Variants in CCSER1 observed in about 807,000 individuals in gnomAD.
CCSER1 encodes the protein serine-rich coiled-coil domain-containing protein 1.
In CCSER1, 41 loss-of-function variants were observed where a neutral mutation model predicts 82.0. The ratio of observed to expected loss-of-function variants is 0.50; its 90% CI spans 0.39 to 0.65. The LOEUF (loss-of-function observed/expected upper bound fraction) is 0.65, where lower values mean the gene tolerates loss of function less well. Ranked by LOEUF, CCSER1 falls within the 30% of genes least tolerant of loss-of-function variation. The probability of loss-of-function intolerance (pLI) is 0.00; values close to 1 mark genes in which losing one functional copy is unlikely to be tolerated. For missense variants in CCSER1, 1,119 were observed against 1,064.2 expected (o/e 1.05, Z -0.72); for synonymous variants, 414 against 383.9 (o/e 1.08, Z -0.92).
chr4:90,901,996 G>C (rs1309892461), intron 8 of CCSER1, among the ~76,000 whole-genome samples: 1 of 151,318 alleles, frequency 6.6e-6, no homozygotes, highest in Admixed American at 6.6e-5. Context: ...AAGTTCTTTT[G>C]GCTTTATTTT....
At chr4:90,481,574 C>A (rs1428553584) in intron 5 of CCSER1, among the ~76,000 whole-genome samples, 1 of 152,176 alleles carries the variant, frequency 6.6e-6, no homozygotes, top group Non-Finnish European at 1.5e-5. Context: ...GAGTTTTTAG[C>A]ACGAAGTGTT....
At chr4:90,726,376 T>C (rs1471056212) in intron 7 of CCSER1, among the ~76,000 whole-genome samples, 1 of 152,052 alleles carries the variant, frequency 6.6e-6, no homozygotes, top group Non-Finnish European at 1.5e-5. Context: ...GCCTTTATTC[T>C]TGAATGTTAG....
intron 8 of CCSER1, among the ~76,000 whole-genome samples, chr4:90,861,926 A>ATATT (rs1486179354): frequency 4.5e-4 from 56 of 125,662 alleles, no homozygotes; most frequent in East Asian, 7.1e-4. Flanking sequence ...ATATATATAT[A>ATATT]TTTTTTTTTT....
intron 8 of CCSER1, among the ~76,000 whole-genome samples, chr4:90,856,073 A>G (rs974716813): frequency 5.3e-5 from 8 of 152,154 alleles, no homozygotes; most frequent in African/African-American, 1.4e-4. Flanking sequence ...TACATAACCT[A>G]TGCAAAATAT....
chr4:91,180,449 G>A (rs1733907010), intron 10 of CCSER1, among the ~76,000 whole-genome samples: 1 of 152,224 alleles, frequency 6.6e-6, no homozygotes, highest in Admixed American at 6.5e-5. Context: ...GAGCTGTGGT[G>A]GGCTCCACCT....
intron 10 of CCSER1, among the ~76,000 whole-genome samples, chr4:91,233,888 T>C (rs1050064395): frequency 1.3e-5 from 2 of 151,916 alleles, no homozygotes; most frequent in Non-Finnish European, 2.9e-5. Flanking sequence ...CAGTGTATAA[T>C]TTAGTAAAGC....
At chr4:90,918,634 G>GATATATATATATAT (rs1363853552) in intron 8 of CCSER1, among the ~76,000 whole-genome samples, 4,191 of 148,598 alleles carry the variant, frequency 0.028, 98 homozygotes, top group Admixed American at 0.076. Context: ...GCTCATTCAA[G>GATATATATATATAT]AGAGATATAT....
intron 10 of CCSER1, among the ~76,000 whole-genome samples, chr4:91,537,856 A>G (rs576575350): frequency 7.2e-5 from 11 of 151,924 alleles, no homozygotes; most frequent in Non-Finnish European, 1.6e-4. Flanking sequence ...AATTAAAAAA[A>G]TCAAAGGCAA....
chr4:90,756,232 A>C (rs1322524422), intron 7 of CCSER1, among the ~76,000 whole-genome samples: 2 of 152,182 alleles, frequency 1.3e-5, no homozygotes, highest in Non-Finnish European at 2.9e-5. Flanking sequence ...TGTCTCAAAA[A>C]AACAAATTAA....
At chr4:90,263,328 G>A (rs1188441751) in intron 1 of CCSER1, among the ~76,000 whole-genome samples, 2 of 152,212 alleles carry the variant, frequency 1.3e-5, no homozygotes, top group East Asian at 3.8e-4. Context: ...TACTGGGGAT[G>A]TCTGCAAAGA....
rs139981369 is a variant in CCSER1 at position 90,654,291 on chromosome 4, A to G, written c.1932+26059A>G. On this transcript the variant is annotated intron_variant, in intron 6 of 10. Coordinates refer to ENST00000509176, the MANE Select transcript of CCSER1 (RefSeq NM_001145065.2). Reference sequence around the variant, plus strand: ...GCTAATATTAAGATTTTGTTATCCAATGGAATAACATATACTTTATAATTT... The same window carrying G: ...GCTAATATTAAGATTTTGTTATCCAGTGGAATAACATATACTTTATAATTT... 3.9e-3 allele frequency among the ~76,000 whole-genome samples: 595 copies of G among 152,250 alleles called. 4 individuals carry two copies. The highest frequency in any genetic ancestry group is 0.014 in the African/African-American group (567 of 41,554).
intron 10 of CCSER1, among the ~76,000 whole-genome samples, chr4:91,533,744 T>G (rs1761151477): frequency 6.6e-6 from 1 of 152,064 alleles, no homozygotes; most frequent in Admixed American, 6.6e-5. Flanking sequence ...AATCTTAAGC[T>G]TCTTTGTAAG....
chr4:90,264,029 A>T (rs72877792), intron 1 of CCSER1, among the ~76,000 whole-genome samples: 6,599 of 152,264 alleles, frequency 0.043, 366 homozygotes, highest in African/African-American at 0.13. Flanking sequence ...CTACAAAAGA[A>T]AGATATAGCA....
intron 10 of CCSER1, among the ~76,000 whole-genome samples, chr4:91,497,918 T>C (rs1759010798): frequency 6.6e-6 from 1 of 151,934 alleles, no homozygotes; most frequent in South Asian, 2.1e-4. Flanking sequence ...AACCCTAACA[T>C]GTGAAAGAGG....
intron 4 of CCSER1, among the ~76,000 whole-genome samples, chr4:90,417,835 G>A (rs957714024): frequency 2.6e-5 from 4 of 152,078 alleles, no homozygotes; most frequent in Non-Finnish European, 1.5e-5. Context: ...AACCCTAGTG[G>A]TTTTCCTAAT....
intron 1 of CCSER1, among the ~76,000 whole-genome samples, chr4:90,169,657 A>T (rs942138308): frequency 6.6e-6 from 1 of 152,058 alleles, no homozygotes; most frequent in African/African-American, 2.4e-5. Context: ...ACTGAAATGC[A>T]TTCATTTTAA....
At chr4:90,822,785 G>A (rs999431220) in intron 8 of CCSER1, among the ~76,000 whole-genome samples, 3 of 149,518 alleles carry the variant, frequency 2.0e-5, no homozygotes, top group Non-Finnish European at 3.0e-5. Context: ...ATGGGTCACC[G>A]GAAAAACAAA....
At chr4:90,294,764 C>T (rs1310967467) in intron 1 of CCSER1, among the ~76,000 whole-genome samples, 1 of 151,814 alleles carries the variant, frequency 6.6e-6, no homozygotes, top group Admixed American at 6.6e-5. Flanking sequence ...CATATAACAC[C>T]ATGTCCCCGT....
chr4:90,128,802 T>C (rs1442722825), intron 1 of CCSER1, among the ~76,000 whole-genome samples: 33 of 152,022 alleles, frequency 2.2e-4, no homozygotes, highest in Admixed American at 2.2e-3. Flanking sequence ...GGGGTTTCCT[T>C]TTAGTGTATC....
Sources: gnomAD v4.1 joint callset for allele counts (sites outside exome capture counted in the v4.1 genomes callset) on GRCh38, gnomAD v4.1.1 for gene constraint, MANE v1.5 for transcripts, NCBI Gene and HGNC (gene_info 2026-07-23, HGNC 2026-07-21) for gene names.